PIBF1: variants seen among roughly 807,000 people sequenced by gnomAD.
PIBF1 encodes the protein progesterone-induced-blocking factor 1.
In PIBF1, 90 loss-of-function variants were observed where a neutral mutation model predicts 112.5. That is an observed-to-expected ratio of 0.80 (90% CI 0.67 to 0.95). The LOEUF is 0.95. PIBF1 is among the 40% of genes least tolerant of loss of function. PIBF1 has a pLI of 0.00. For missense variants in PIBF1, 915 were observed against 852.3 expected (o/e 1.07, Z -0.92); for synonymous variants, 301 against 288.6 (o/e 1.04, Z -0.44).
chr13:72,798,219 G>T (rs1382955748), intron 5 of PIBF1, among the ~76,000 whole-genome samples, 193 bp downstream of exon 5: 1 of 152,198 alleles, frequency 6.6e-6, no homozygotes, highest in East Asian at 1.9e-4. Context: ...ACAAGTCTGT[G>T]TTATTGACGT....
intron 5 of PIBF1, among the ~76,000 whole-genome samples, chr13:72,810,204 G>C (rs1211211684): frequency 4.6e-5 from 7 of 150,974 alleles, no homozygotes; most frequent in Non-Finnish European, 1.5e-5. Flanking sequence ...TTCTCTATTA[G>C]CAGGTCAAAA....
intron 16 of PIBF1, among the ~76,000 whole-genome samples, chr13:72,978,036 A>G (rs1358042011): frequency 2.0e-5 from 3 of 152,180 alleles, no homozygotes; most frequent in African/African-American, 7.2e-5. Context: ...AAAAATGTGC[A>G]TAAATTGAAT....
At chr13:72,960,911 A>G (rs1383582925) in intron 14 of PIBF1, among the ~76,000 whole-genome samples, 5 of 152,320 alleles carry the variant, frequency 3.3e-5, no homozygotes, top group South Asian at 2.1e-4. Context: ...GAAAAAAAAC[A>G]TTCTAAAACC....
chr13:72,793,028 A>G (rs2035016482), intron 3 of PIBF1, among the ~76,000 whole-genome samples: 1 of 152,226 alleles, frequency 6.6e-6, no homozygotes, highest in Non-Finnish European at 1.5e-5. Flanking sequence ...AATAAAAGGA[A>G]CTAAAAAAAT....
chr13:72,811,140 G>A (rs879362813), intron 5 of PIBF1, among the ~76,000 whole-genome samples: 8 of 152,146 alleles, frequency 5.3e-5, no homozygotes, highest in African/African-American at 1.9e-4. Flanking sequence ...GATTATAGGC[G>A]TGAGCCACCG....
chr13:72,833,637 G>A (rs1189113836), intron 8 of PIBF1, among the ~76,000 whole-genome samples: 1 of 152,156 alleles, frequency 6.6e-6, no homozygotes, highest in Non-Finnish European at 1.5e-5. Flanking sequence ...TCCCAGAGGG[G>A]CACCTGCCAG....
chr13:72,958,169 G>A (rs1290896483), intron 14 of PIBF1, among the ~76,000 whole-genome samples: 1 of 151,434 alleles, frequency 6.6e-6, no homozygotes, highest in Non-Finnish European at 1.5e-5. Flanking sequence ...TGTAAAACAG[G>A]CTTCTAGATC....
intron 12 of PIBF1, among the ~76,000 whole-genome samples, chr13:72,916,576 A>G (rs1029790910): frequency 6.6e-6 from 1 of 151,998 alleles, no homozygotes; most frequent in African/African-American, 2.4e-5. Context: ...TAAAAAAAGT[A>G]AGGCCATCAA....
chr13:73,000,870 A>C (rs1566536658), intron 17 of PIBF1, among the ~76,000 whole-genome samples: 1 of 152,202 alleles, frequency 6.6e-6, no homozygotes, highest in Non-Finnish European at 1.5e-5. Flanking sequence ...AGTGATGATA[A>C]AATTAAGAAG....
chr13:72,940,351 C>G (rs1314362793), intron 14 of PIBF1, among the ~76,000 whole-genome samples: 2 of 151,952 alleles, frequency 1.3e-5, no homozygotes, highest in African/African-American at 4.8e-5. Flanking sequence ...TCTAGAAGTT[C>G]AAATTGGATC....
intron 11 of PIBF1, among the ~76,000 whole-genome samples, chr13:72,896,919 T>A (rs999925375): frequency 4.6e-5 from 7 of 152,170 alleles, no homozygotes; most frequent in Admixed American, 6.5e-5. Flanking sequence ...GCTAGAGACC[T>A]AGACATCCAA....
chr13:73,005,131 C>T (rs1249038660), intron 17 of PIBF1, among the ~76,000 whole-genome samples: 3 of 152,026 alleles, frequency 2.0e-5, no homozygotes, highest in Non-Finnish European at 4.4e-5. Context: ...GCCGAGATCA[C>T]GTCGTTGCAC....
Position 72,827,846 on chromosome 13 carries a change from A to C in PIBF1, c.1029A>C (p.Arg343Ser). Residue 343 changes from arginine (R) to serine (S), a missense_variant, in exon 8 of 18, where the codon AGA (arginine) becomes AGC (serine). Transcript: ENST00000326291. ...CTCATGAAGAGGATCGCCTTGAAAG[A>C]CTTCAAGCTCAACTGGAAGAAAGCA... ...RCAHEEDRLERLQAQLEESKK... is the reference protein window; with the variant it reads ...RCAHEEDRLESLQAQLEESKK... The C allele has an allele frequency of 1.3e-6, 2 of 1,596,056 alleles. No homozygotes were observed. Among genetic ancestry groups the C allele is most frequent in the Non-Finnish European group, 1.7e-6 (2 of 1,171,044 alleles).
At chr13:72,925,172 A>C (rs1397974218) in intron 13 of PIBF1, among the ~76,000 whole-genome samples, 1 of 152,252 alleles carries the variant, frequency 6.6e-6, no homozygotes, top group Non-Finnish European at 1.5e-5. Flanking sequence ...TGGGAACAGG[A>C]TATAGACATC....
At chr13:72,826,628 ATT>A (rs545616558) in intron 6 of PIBF1, among the ~76,000 whole-genome samples, 1 of 148,680 alleles carries the variant, frequency 6.7e-6, no homozygotes, top group African/African-American at 2.5e-5. Context: ...GATAAGTTGT[ATT>A]TTTTTTTTTA....
At chr13:72,896,773 C>T (rs1261022131) in intron 11 of PIBF1, among the ~76,000 whole-genome samples, 1 of 152,082 alleles carries the variant, frequency 6.6e-6, no homozygotes. Context: ...GAAAATATGA[C>T]TAAAGCCTCC....
chr13:72,821,805 T>C (rs778281647), intron 5 of PIBF1, 44 bp from the exon 6 acceptor site: 1 of 1,506,524 alleles, frequency 6.6e-7, no homozygotes, highest in Non-Finnish European at 9.0e-7. Flanking sequence ...GCAACTATGT[T>C]AAGTGTTTAG....
At chr13:72,960,129 A>C (rs1010387194) in intron 14 of PIBF1, among the ~76,000 whole-genome samples, 1 of 152,252 alleles carries the variant, frequency 6.6e-6, no homozygotes, top group Non-Finnish European at 1.5e-5. Flanking sequence ...TTTATAAAGA[A>C]ATGTATCTGT....
At chr13:72,957,975 A>G (rs188151763) in intron 14 of PIBF1, among the ~76,000 whole-genome samples, 2 of 151,940 alleles carry the variant, frequency 1.3e-5, no homozygotes, top group Admixed American at 6.6e-5. Flanking sequence ...AGAAAGAAAG[A>G]AAAAAACAAT....
Sources: gnomAD v4.1 joint callset for allele counts (sites outside exome capture counted in the v4.1 genomes callset) on GRCh38, gnomAD v4.1.1 for gene constraint, MANE v1.5 for transcripts, NCBI Gene and HGNC (gene_info 2026-07-23, HGNC 2026-07-21) for gene names.